Variants in NGF observed in about 807,000 individuals in gnomAD.
The protein encoded by NGF is beta-nerve growth factor.
Under a neutral mutation model 12.8 loss-of-function variants are expected in NGF, and 4 were observed. The ratio of observed to expected loss-of-function variants is 0.31; its 90% CI spans 0.15 to 0.72. The LOEUF is 0.72. Ranked by LOEUF, NGF falls within the 30% of genes least tolerant of loss-of-function variation. NGF has a pLI of 0.69. For missense variants in NGF, 283 were observed against 330.8 expected (o/e 0.86, Z 1.12); for synonymous variants, 140 against 130.0 (o/e 1.08, Z -0.52).
chr1:115,323,324 G>A (rs992841682), intron 1 of NGF, among the ~76,000 whole-genome samples: 7 of 152,128 alleles, frequency 4.6e-5, no homozygotes, highest in African/African-American at 1.7e-4. Flanking sequence ...AAGTTTGAGA[G>A]TACCAAATCT....
chr1:115,310,839 C>T lies in NGF; in HGVS notation c.-136-17089G>A, dbSNP rs540004550. Among the ~76,000 whole-genome samples, 129 of 151,936 alleles carry T rather than the reference C, an allele frequency of 8.5e-4. 1 individual carries two copies. Among genetic ancestry groups the T allele is most frequent in the Non-Finnish European group, 9.9e-4 (67 of 67,960 alleles). On this transcript the variant is annotated intron_variant, in intron 1 of 2. Coordinates refer to ENST00000369512, the MANE Select transcript of NGF (RefSeq NM_002506.3). ...AAGCATATATATTGGTTGTGTTTAT[C>T]CCAGGCATTGGGGCAAGGGGTGTGG...
At chr1:115,296,646 T>C (rs74399753) in intron 1 of NGF, among the ~76,000 whole-genome samples, 1,697 of 152,336 alleles carry the variant, frequency 0.011, 43 homozygotes, top group African/African-American at 0.039. Context: ...CTGTCCAGCA[T>C]TTCCTATGCC....
intron 1 of NGF, among the ~76,000 whole-genome samples, chr1:115,319,827 C>T (rs975982644): frequency 1.3e-5 from 2 of 152,176 alleles, no homozygotes; most frequent in African/African-American, 4.8e-5. Flanking sequence ...GCAGCCTCAG[C>T]CAGGCCCTGA....
At position 115,286,014 on chromosome 1, in the gene NGF, T is replaced by G; in HGVS notation, c.*56A>C. 6.3e-7 allele frequency: 1 copy of G among 1,585,952 alleles called. No homozygotes were observed. The highest frequency in any genetic ancestry group is 8.6e-7 in the Non-Finnish European group (1 of 1,164,582). On this transcript the variant is annotated 3_prime_UTR_variant, in exon 3 of 3. Transcript: ENST00000369512. ...ATTTAAAATAATTTACAGGTTGAGG[T>G]AGGGAGGGGCCCAGGAGAGTGTAGA...
intron 1 of NGF, among the ~76,000 whole-genome samples, chr1:115,337,261 GTTTTTGTTTTTTTTTTTTTTTTT>G (rs1315102007): frequency 6.8e-4 from 8 of 11,758 alleles, no homozygotes; most frequent in Admixed American, 1.0e-3. Flanking sequence ...TTTTTGTTTT[GTTTTTGTTTTTTTTTTTTTTTTT>G]TTTTTTTTTT....
intron 2 of NGF, among the ~76,000 whole-genome samples, chr1:115,288,533 C>T (rs899629460): frequency 4.6e-5 from 7 of 152,168 alleles, no homozygotes; most frequent in African/African-American, 1.2e-4. Flanking sequence ...TCCTTCAAAG[C>T]CATTTTTATT....
intron 1 of NGF, among the ~76,000 whole-genome samples, chr1:115,334,991 G>T (rs1281254644): frequency 6.6e-6 from 1 of 152,196 alleles, no homozygotes; most frequent in Admixed American, 6.5e-5. Context: ...AAATATAGGA[G>T]AAGAATATCA....
intron 1 of NGF, among the ~76,000 whole-genome samples, chr1:115,325,269 G>A (rs1013848653): frequency 6.6e-6 from 1 of 152,146 alleles, no homozygotes; most frequent in South Asian, 2.1e-4. Context: ...CACAACGGGA[G>A]GAGCGATTAA....
At chr1:115,289,174 T>A (rs1199276234) in intron 2 of NGF, among the ~76,000 whole-genome samples, 2 of 152,206 alleles carry the variant, frequency 1.3e-5, no homozygotes, top group Non-Finnish European at 2.9e-5. Flanking sequence ...GACTGAATAT[T>A]CAGTTGGCAG....
At chr1:115,300,043 A>T (rs1404090110) in intron 1 of NGF, among the ~76,000 whole-genome samples, 1 of 152,256 alleles carries the variant, frequency 6.6e-6, no homozygotes, top group Admixed American at 6.5e-5. Context: ...AAACGGTGCC[A>T]GTGAATGTTA....
chr1:115,287,342 G>A (rs1653545292), intron 2 of NGF, among the ~76,000 whole-genome samples: 1 of 152,124 alleles, frequency 6.6e-6, no homozygotes, highest in African/African-American at 2.4e-5. Context: ...AGTGCACTGG[G>A]TCAGCTCTAA....
chr1:115,306,534 A>C (rs187640969), intron 1 of NGF, among the ~76,000 whole-genome samples: 108 of 152,354 alleles, frequency 7.1e-4, no homozygotes, highest in African/African-American at 2.5e-3. Flanking sequence ...AATAATAAAA[A>C]TCTCACACTA....
chr1:115,325,584 A>G (rs1479493763), intron 1 of NGF, among the ~76,000 whole-genome samples: 1 of 152,174 alleles, frequency 6.6e-6, no homozygotes, highest in Non-Finnish European at 1.5e-5. Flanking sequence ...TTCATTCTAC[A>G]TATAATGGAA....
intron 1 of NGF, among the ~76,000 whole-genome samples, chr1:115,329,483 A>G (rs1654855920): frequency 6.6e-6 from 1 of 152,202 alleles, no homozygotes; most frequent in South Asian, 2.1e-4. Flanking sequence ...TGTCTATGCC[A>G]GTGGCTTTCA....
At chr1:115,295,270 A>C (rs1004380899) in intron 1 of NGF, among the ~76,000 whole-genome samples, 3 of 152,162 alleles carry the variant, frequency 2.0e-5, no homozygotes, top group African/African-American at 7.2e-5. Flanking sequence ...AAGCCCTGGG[A>C]TGTCTCCATT....
chr1:115,298,701 T>C (rs1329226969), intron 1 of NGF, among the ~76,000 whole-genome samples: 1 of 152,008 alleles, frequency 6.6e-6, no homozygotes. Context: ...AAATCTTTGG[T>C]GTTAAAAATT....
intron 2 of NGF, among the ~76,000 whole-genome samples, chr1:115,289,664 C>T (rs1363239393): frequency 2.0e-5 from 3 of 152,206 alleles, no homozygotes; most frequent in Non-Finnish European, 4.4e-5. Context: ...CATCTTCCTT[C>T]TCTGCATACA....
chr1:115,301,142 A>G (rs1571080035), intron 1 of NGF, among the ~76,000 whole-genome samples: 1 of 151,958 alleles, frequency 6.6e-6, no homozygotes, highest in East Asian at 2.0e-4. Flanking sequence ...AACATGAACA[A>G]AATAAAAAGT....
intron 1 of NGF, among the ~76,000 whole-genome samples, chr1:115,302,347 G>C (rs1179910926): frequency 6.6e-6 from 1 of 152,264 alleles, no homozygotes; most frequent in East Asian, 1.9e-4. Flanking sequence ...GTGTACATAG[G>C]TGTTGTGCAA....
Sources: allele counts gnomAD v4.1 joint callset (sites outside exome capture counted in the v4.1 genomes callset), GRCh38; gene constraint gnomAD v4.1.1; transcripts MANE v1.5; gene names NCBI Gene and HGNC (gene_info 2026-07-23, HGNC 2026-07-21).